The following GPR89A variants were observed in gnomAD, a reference collection of about 807,000 sequenced individuals.
The protein encoded by GPR89A is G protein-coupled receptor 89A.
Under a neutral mutation model 52.0 loss-of-function variants are expected in GPR89A, and 16 were observed. The observed-to-expected ratio is 0.31, with a 90% CI of 0.21 to 0.47. The LOEUF (loss-of-function observed/expected upper bound fraction) is 0.47. GPR89A is among the 20% of genes least tolerant of loss of function. GPR89A has a pLI of 1.00. For missense variants in GPR89A, 135 were observed against 449.4 expected, an observed-to-expected ratio of 0.30 and a Z score of 6.33; for synonymous variants, 55 against 150.9, an observed-to-expected ratio of 0.36 and a Z score of 4.66.
chr1:145,611,852 C>G (rs1191216243), intron 1 of GPR89A, among the ~76,000 whole-genome samples: 3 of 151,800 alleles, frequency 2.0e-5, no homozygotes, highest in Non-Finnish European at 4.4e-5. Flanking sequence ...AAAGGATATC[C>G]TGGACATTTT....
At chr1:145,652,838 C>A (rs1292387205) in intron 10 of GPR89A, among the ~76,000 whole-genome samples, 2 of 148,122 alleles carry the variant, frequency 1.4e-5, no homozygotes, top group African/African-American at 5.3e-5. Flanking sequence ...GTGGTGATGT[C>A]CCCTTTATCA....
At chr1:145,640,025 C>T in intron 7 of GPR89A, among the ~76,000 whole-genome samples, 1 of 151,934 alleles carries the variant, frequency 6.6e-6, no homozygotes, top group East Asian at 1.9e-4. Flanking sequence ...CAAGACTAGA[C>T]CGGCGAACAT....
At chr1:145,626,432 G>C (rs1649502142) in intron 5 of GPR89A, among the ~76,000 whole-genome samples, 1 of 152,000 alleles carries the variant, frequency 6.6e-6, no homozygotes, top group South Asian at 2.1e-4. Context: ...GAGGGAGAAA[G>C]CTAGGGAGAT....
At chr1:145,625,265 G>A (rs75783818) in intron 5 of GPR89A, among the ~76,000 whole-genome samples, 4,178 of 149,046 alleles carry the variant, frequency 0.028, 126 homozygotes, top group Admixed American at 0.1. Context: ...CTTAGGTGGC[G>A]TATGAGACCT....
chr1:145,622,960 G>T, intron 3 of GPR89A, 94 bp from the exon 4 acceptor site: 2 of 1,592,802 alleles, frequency 1.3e-6, no homozygotes, highest in Non-Finnish European at 1.7e-6. Flanking sequence ...TCAATATTGA[G>T]TCCAAAGAGC....
At chr1:145,617,926 C>CT (rs1553687352) in intron 2 of GPR89A, among the ~76,000 whole-genome samples, 1 of 151,578 alleles carries the variant, frequency 6.6e-6, no homozygotes. Flanking sequence ...CTGCCCAATA[C>CT]TTTAAGACCT....
intron 10 of GPR89A, among the ~76,000 whole-genome samples, chr1:145,648,521 C>G (rs1255743966): frequency 1.3e-5 from 2 of 149,686 alleles, no homozygotes; most frequent in African/African-American, 5.0e-5. Context: ...ATTCTGTCAC[C>G]CAAGCTGTAG....
chr1:145,637,448 G>A (rs1650324453), intron 7 of GPR89A, among the ~76,000 whole-genome samples: 1 of 151,810 alleles, frequency 6.6e-6, no homozygotes, highest in African/African-American at 2.4e-5. Context: ...ATTAGCTGCT[G>A]CAGGTATGAC....
chr1:145,617,193 A>C (rs150606092), intron 2 of GPR89A, among the ~76,000 whole-genome samples: 5,573 of 152,162 alleles, frequency 0.037, 328 homozygotes, highest in African/African-American at 0.13. Context: ...CCCAGAATGC[A>C]TTCCTTCCCC....
At chr1:145,610,103 T>C (rs1336028281) in intron 1 of GPR89A, among the ~76,000 whole-genome samples, 1 of 152,108 alleles carries the variant, frequency 6.6e-6, no homozygotes, top group African/African-American at 2.4e-5. Flanking sequence ...CACCAGCATC[T>C]AGATCAGTTG....
intron 7 of GPR89A, among the ~76,000 whole-genome samples, chr1:145,642,907 T>C (rs1352698846): frequency 2.6e-5 from 4 of 152,064 alleles, no homozygotes; most frequent in Non-Finnish European, 5.9e-5. Flanking sequence ...GCTACCACTG[T>C]ACTAGTCGGT....
intron 7 of GPR89A, among the ~76,000 whole-genome samples, chr1:145,641,090 AAC>A (rs1365643272): frequency 1.3e-5 from 2 of 151,768 alleles, no homozygotes; most frequent in African/African-American, 4.9e-5. Flanking sequence ...GTCCCTCTGG[AAC>A]ACAGTTTAGC....
At chr1:145,612,401 G>T (rs145725713) in intron 1 of GPR89A, among the ~76,000 whole-genome samples, 1 of 151,958 alleles carries the variant, frequency 6.6e-6, no homozygotes, top group African/African-American at 2.4e-5. Context: ...TTAGAGTAGC[G>T]TATTTTGAAG....
intron 7 of GPR89A, among the ~76,000 whole-genome samples, chr1:145,632,597 A>G (rs587695003): frequency 6.6e-6 from 1 of 152,362 alleles, no homozygotes; most frequent in Admixed American, 6.5e-5. Context: ...AAGGCTGAAT[A>G]GTATTCTGTT....
intron 1 of GPR89A, chr1:145,612,186 C>A (rs1161000970): frequency 1.3e-5 from 2 of 152,126 alleles, no homozygotes; most frequent in African/African-American, 4.8e-5. Flanking sequence ...TTCTAACTCA[C>A]CTCTCTTACT....
At chr1:145,642,364 C>T (rs1375886323) in intron 7 of GPR89A, among the ~76,000 whole-genome samples, 4 of 151,822 alleles carry the variant, frequency 2.6e-5, no homozygotes, top group Admixed American at 2.0e-4. Context: ...TCTTACAAGT[C>T]AGAATCTCCC....
At chr1:145,655,859 C>G (rs1332059407) in intron 10 of GPR89A, among the ~76,000 whole-genome samples, 2 of 151,990 alleles carry the variant, frequency 1.3e-5, no homozygotes, top group African/African-American at 4.8e-5. Flanking sequence ...CTGGACTGCC[C>G]AGACCCTTCA....
intron 1 of GPR89A, among the ~76,000 whole-genome samples, chr1:145,613,791 G>GTTTGT (rs1254508215): frequency 6.6e-6 from 1 of 150,468 alleles, no homozygotes; most frequent in Non-Finnish European, 1.5e-5. Context: ...TTTTTTGTTT[G>GTTTGT]TTTGTTTTGT....
intron 10 of GPR89A, among the ~76,000 whole-genome samples, chr1:145,658,322 T>C (rs1289668936): frequency 6.8e-6 from 1 of 147,434 alleles, no homozygotes; most frequent in Non-Finnish European, 1.5e-5. Flanking sequence ...ATTTCATTCC[T>C]GGCCAGGCAC....
Sources: gnomAD v4.1 joint callset for allele counts (sites outside exome capture counted in the v4.1 genomes callset) on GRCh38, gnomAD v4.1.1 for gene constraint, MANE v1.5 for transcripts, NCBI Gene and HGNC (gene_info 2026-07-23, HGNC 2026-07-21) for gene names.